Variants in AK5 observed in about 807,000 individuals in gnomAD.
AK5 encodes adenylate kinase 5.
In AK5, 27 loss-of-function variants were observed where a neutral mutation model predicts 69.5. The observed-to-expected ratio is 0.39, with a 90% CI of 0.29 to 0.54. The LOEUF is 0.54. Ranked by LOEUF, AK5 falls within the 20% of genes least tolerant of loss-of-function variation. AK5 has a pLI of 0.71. For missense variants in AK5, 531 were observed against 700.4 expected (o/e 0.76, Z 2.73); for synonymous variants, 260 against 244.4 (o/e 1.06, Z -0.60).
chr1:77,361,763 C>T (rs560838789), intron 6 of AK5, among the ~76,000 whole-genome samples: 3 of 152,266 alleles, frequency 2.0e-5, no homozygotes, highest in African/African-American at 7.2e-5. Flanking sequence ...AGGGTAATTT[C>T]CATTTTTAAA....
At chr1:77,358,982 A>G (rs956640501) in intron 6 of AK5, among the ~76,000 whole-genome samples, 2 of 151,988 alleles carry the variant, frequency 1.3e-5, no homozygotes, top group African/African-American at 4.8e-5. Context: ...CAGGCGGTGC[A>G]TGGTGGCTCA....
At chr1:77,442,891 A>G (rs1279544328) in intron 8 of AK5, among the ~76,000 whole-genome samples, 2 of 152,076 alleles carry the variant, frequency 1.3e-5, no homozygotes, top group African/African-American at 4.8e-5. Context: ...TCAAGTAGCA[A>G]TGGCCTTTGT....
At chr1:77,368,909 A>G (rs1233337106) in intron 6 of AK5, among the ~76,000 whole-genome samples, 2 of 152,170 alleles carry the variant, frequency 1.3e-5, no homozygotes, top group Non-Finnish European at 2.9e-5. Flanking sequence ...TAGTCAACCT[A>G]TAATATTTGC....
rs1423177958 is a variant in AK5 at position 77,541,704 on chromosome 1, C to T, written c.1620+5666C>T. 2.0e-5 allele frequency among the ~76,000 whole-genome samples: 3 copies of T among 152,176 alleles called. No individual in the cohort carries two copies. In the East Asian group the frequency reaches 5.8e-4, roughly 29 times the overall value. ...AGGCCTAAAAGGCTCACAGTGCTCC[C>T]TACTGCTTCACAAACACCGTTTCCT... On this transcript the variant is annotated intron_variant, in intron 13 of 13. Coordinates refer to ENST00000354567, the MANE Select transcript of AK5 (RefSeq NM_174858.3).
chr1:77,322,785 T>G (rs1377353630), intron 5 of AK5, among the ~76,000 whole-genome samples: 1 of 152,122 alleles, frequency 6.6e-6, no homozygotes, highest in Non-Finnish European at 1.5e-5. Flanking sequence ...GTCGATCTAG[T>G]CTCAAAGGAC....
intron 8 of AK5, among the ~76,000 whole-genome samples, chr1:77,427,502 C>T (rs2100603265): frequency 6.6e-6 from 1 of 152,120 alleles, no homozygotes; most frequent in African/African-American, 2.4e-5. Flanking sequence ...CTAATAATCT[C>T]CCAAAACAGA....
At chr1:77,309,516 T>C (rs2100287260) in intron 5 of AK5, among the ~76,000 whole-genome samples, 1 of 152,284 alleles carries the variant, frequency 6.6e-6, no homozygotes, top group Non-Finnish European at 1.5e-5. Flanking sequence ...TGAGCTTATC[T>C]GTGTTGATAC....
At chr1:77,306,508 T>C in intron 5 of AK5, among the ~76,000 whole-genome samples, 1 of 145,928 alleles carries the variant, frequency 6.9e-6, no homozygotes, top group Non-Finnish European at 1.5e-5. Flanking sequence ...TTTTTTTTTT[T>C]TTTGAGGATT....
At chr1:77,345,872 T>G (rs1322765160) in intron 6 of AK5, among the ~76,000 whole-genome samples, 1 of 152,090 alleles carries the variant, frequency 6.6e-6, no homozygotes, top group African/African-American at 2.4e-5. Context: ...CAACTGAAAA[T>G]CCATGTATAA....
At chr1:77,397,032 A>G (rs558574593) in intron 6 of AK5, among the ~76,000 whole-genome samples, 10 of 152,322 alleles carry the variant, frequency 6.6e-5, no homozygotes, top group Admixed American at 1.3e-4. Context: ...CTGGTAGAGA[A>G]TAGTCAGCTA....
In AK5 at chr1:77,530,494, G is replaced by A. The variant is rs1010596820; in HGVS notation, c.1429-5353G>A. Among the ~76,000 whole-genome samples, 5 of 152,148 alleles carry A rather than the reference G, an allele frequency of 3.3e-5. No individual in the cohort carries two copies. In the East Asian group the frequency reaches 7.7e-4, roughly 23 times the overall value. Reference sequence around the variant, plus strand: ...CTCTGGTAAACATGCTGTAGCATGCGACTTAGGCTAAAAGCCTGAGTGAGG... The same window carrying A: ...CTCTGGTAAACATGCTGTAGCATGCAACTTAGGCTAAAAGCCTGAGTGAGG... On this transcript the variant is annotated intron_variant, in intron 12 of 13. Transcript: ENST00000354567.
intron 6 of AK5, among the ~76,000 whole-genome samples, chr1:77,373,600 C>T (rs1647161905): frequency 6.6e-6 from 1 of 152,032 alleles, no homozygotes; most frequent in Admixed American, 6.6e-5. Context: ...GTGGCAGGAG[C>T]TTGTAATCCC....
intron 6 of AK5, among the ~76,000 whole-genome samples, chr1:77,366,724 A>G (rs998847200): frequency 1.6e-4 from 24 of 152,172 alleles, no homozygotes; most frequent in African/African-American, 5.8e-4. Flanking sequence ...AACTTTCAGG[A>G]AAGAACGTGT....
intron 8 of AK5, among the ~76,000 whole-genome samples, chr1:77,474,886 C>T (rs1176189454): frequency 6.6e-6 from 1 of 152,060 alleles, no homozygotes; most frequent in East Asian, 1.9e-4. Flanking sequence ...CTCACTGCAG[C>T]CTCAAACACT....
In AK5 at chr1:77,415,347, G is replaced by A. The variant is rs187287501; in HGVS notation, c.983-2292G>A. ...TAATTAAATAAAATAAGTAGGACAC[G>A]GGTACTAAAAGCAGCTATATGTTTA... On this transcript the variant is annotated intron_variant, in intron 7 of 13. Transcript: ENST00000354567. Among the ~76,000 whole-genome samples, 21 of 152,166 alleles carry A rather than the reference G, an allele frequency of 1.4e-4. 1 individual carries two copies. The highest frequency in any genetic ancestry group is 4.6e-4 in the African/African-American group (19 of 41,520).
At chr1:77,523,314 G>A (rs1050881192) in intron 12 of AK5, among the ~76,000 whole-genome samples, 1 of 152,148 alleles carries the variant, frequency 6.6e-6, no homozygotes, top group Non-Finnish European at 1.5e-5. Context: ...CAAGATGGGG[G>A]TGGGCAGGGA....
chr1:77,334,360 T>C (rs1661240384), intron 5 of AK5, among the ~76,000 whole-genome samples: 1 of 152,214 alleles, frequency 6.6e-6, no homozygotes, highest in South Asian at 2.1e-4. Flanking sequence ...CATTTCTTTT[T>C]TGGCTGCTTT....
chr1:77,369,293 G>T (rs1647076054), intron 6 of AK5, among the ~76,000 whole-genome samples: 1 of 152,070 alleles, frequency 6.6e-6, no homozygotes, highest in South Asian at 2.1e-4. Flanking sequence ...GCTCTCCCCA[G>T]TCCACAAGCT....
rs71244408 is a variant in AK5 at position 77,443,677 on chromosome 1, CTGTGTG to C, written c.1059+26004_1059+26009del. Reference sequence around the variant, plus strand: ...CAGAACAGAGTTTACTGTGGGGAGTCTGTGTGTGTGTGTGTGTGTGTGTGTGTGTGT... The same window carrying C: ...CAGAACAGAGTTTACTGTGGGGAGTCTGTGTGTGTGTGTGTGTGTGTGTGT... On this transcript the variant is annotated intron_variant, in intron 8 of 13. Coordinates refer to ENST00000354567, the MANE Select transcript of AK5 (RefSeq NM_174858.3). Among the ~76,000 whole-genome samples the C allele has an allele frequency of 3.9e-3, 521 of 134,110 alleles. 3 individuals carry two copies. Among genetic ancestry groups the C allele is most frequent in the African/African-American group, 0.011 (410 of 36,024 alleles). 88.0% of individuals were successfully genotyped at this position (134,110 alleles called of 152,430 possible). A position where few individuals can be genotyped will look rare whatever the true frequency, so the allele number is the denominator to read the frequency against.
Sources: gnomAD v4.1 joint callset for allele counts (sites outside exome capture counted in the v4.1 genomes callset) on GRCh38, gnomAD v4.1.1 for gene constraint, MANE v1.5 for transcripts, NCBI Gene and HGNC (gene_info 2026-07-23, HGNC 2026-07-21) for gene names.